The following CARMIL1 variants were observed in gnomAD, a reference collection of about 807,000 sequenced individuals.
The protein encoded by CARMIL1 is F-actin-uncapping protein LRRC16A.
Under a neutral mutation model 177.1 loss-of-function variants are expected in CARMIL1, and 90 were observed. The observed-to-expected ratio is 0.51, with a 90% confidence interval of 0.43 to 0.61. The LOEUF is 0.61. CARMIL1 is among the 20% of genes least tolerant of loss of function. CARMIL1 has a pLI of 0.00. For synonymous variants in CARMIL1, 577 were observed against 606.2 expected (o/e 0.95, Z 0.71); for missense variants, 1,380 against 1,667.0 (o/e 0.83, Z 3.00).
In CARMIL1 at chr6:25,435,539, C is replaced by T. The variant is rs1333145961; in HGVS notation, c.306C>T (p.Asp102=). The T allele has an allele frequency of 2.5e-5, 39 of 1,556,682 alleles. No homozygotes were observed. The highest frequency in any genetic ancestry group is 2.9e-5 in the Non-Finnish European group (33 of 1,149,518). Residue 102 remains aspartate, a synonymous_variant, in exon 5 of 37, where the codon GAC becomes GAT. Coordinates refer to ENST00000329474, the MANE Select transcript of CARMIL1 (RefSeq NM_017640.6). Reference sequence around the variant, plus strand: ...CCATGAAGATGGCGTCACCCGAGGACGTGAGTGAGGTGCTGGCTCACATAG... The same window carrying T: ...CCATGAAGATGGCGTCACCCGAGGATGTGAGTGAGGTGCTGGCTCACATAG... ...SISMKMASPE[D]VSEVLAHIGT... is the part of the protein sequence containing the mutation.
At chr6:25,549,066 G>A (rs931864332) in intron 26 of CARMIL1, among the ~76,000 whole-genome samples, 4 of 152,186 alleles carry the variant, frequency 2.6e-5, no homozygotes, top group African/African-American at 9.7e-5. Flanking sequence ...GCTAAAATTC[G>A]TTTTTATAGG....
chr6:25,447,559 C>G (rs1057215755), intron 5 of CARMIL1, among the ~76,000 whole-genome samples: 1 of 152,062 alleles, frequency 6.6e-6, no homozygotes, highest in Non-Finnish European at 1.5e-5. Context: ...ATTTATTTCA[C>G]CACCTCTCAC....
chr6:25,317,418 G>C (rs113308464), intron 2 of CARMIL1, among the ~76,000 whole-genome samples: 3,200 of 151,936 alleles, frequency 0.021, 77 homozygotes, highest in African/African-American at 0.058. Context: ...GGGATTACAG[G>C]CATGAGCCAC....
intron 2 of CARMIL1, among the ~76,000 whole-genome samples, chr6:25,293,062 T>A (rs559475424): frequency 6.6e-6 from 1 of 152,036 alleles, no homozygotes; most frequent in Non-Finnish European, 1.5e-5. Flanking sequence ...GATAAAAGAT[T>A]TTTGTTCCCT....
chr6:25,389,648 T>C (rs1419366675), intron 2 of CARMIL1, among the ~76,000 whole-genome samples: 1 of 152,174 alleles, frequency 6.6e-6, no homozygotes, highest in Non-Finnish European at 1.5e-5. Flanking sequence ...TGAGTCAGCA[T>C]GTGAAAAGGA....
Position 25,609,478 on chromosome 6 carries a change from A to AG in CARMIL1, c.3848-572_3848-571insG, listed in dbSNP as rs540741663. Among the ~76,000 whole-genome samples, 319 of 151,692 alleles carry AG rather than the reference A, an allele frequency of 2.1e-3. 1 individual carries two copies. The highest frequency in any genetic ancestry group is 0.01 in the Middle Eastern group (3 of 294). On this transcript the variant is annotated intron_variant, in intron 35 of 36. Transcript: ENST00000329474. ...AAGACTCCATCTCAAAAAAAAAAAA[A>AG]AGAGAGACTAGAATTCTAGTCCTAG...
intron 20 of CARMIL1, among the ~76,000 whole-genome samples, chr6:25,514,569 G>C (rs1482757584): frequency 2.5e-5 from 2 of 79,834 alleles, no homozygotes; most frequent in African/African-American, 9.4e-5. Context: ...AAAAAAAAAA[G>C]CCACACAAGT....
intron 2 of CARMIL1, among the ~76,000 whole-genome samples, chr6:25,395,837 G>A (rs758539661): frequency 3.9e-5 from 6 of 152,206 alleles, no homozygotes; most frequent in Non-Finnish European, 8.8e-5. Flanking sequence ...GTGGAAAGGT[G>A]GTTTCCAGCC....
Position 25,449,897 on chromosome 6 carries a change from G to A in CARMIL1, c.372-1G>A. On this transcript the variant is annotated splice_acceptor_variant, in intron 5 of 36. Transcript: ENST00000329474. LOFTEE classifies it high-confidence loss of function. ...ATGTGTTGTTGTTGTTGATCTTACAGGAGAATCATGAAAAAAGTCTCCATG... is the reference window on the plus strand; with the variant it reads ...ATGTGTTGTTGTTGTTGATCTTACAAGAGAATCATGAAAAAAGTCTCCATG... 1 of 1,592,656 alleles carries A rather than the reference G, an allele frequency of 6.3e-7. No individual in the cohort carries two copies. Among genetic ancestry groups the A allele is most frequent in the Non-Finnish European group, 8.6e-7 (1 of 1,164,694 alleles).
intron 2 of CARMIL1, among the ~76,000 whole-genome samples, chr6:25,322,337 A>G (rs1561982470): frequency 6.6e-6 from 1 of 151,682 alleles, no homozygotes; most frequent in African/African-American, 2.4e-5. Context: ...TGGCCAGGCT[A>G]GTCTCAAACT....
chr6:25,456,244 T>C (rs1222868242), intron 8 of CARMIL1, among the ~76,000 whole-genome samples: 1 of 152,230 alleles, frequency 6.6e-6, no homozygotes, highest in East Asian at 1.9e-4. Context: ...CCGTAAGATC[T>C]ATATAGGTGC....
rs1268407015 is a variant in CARMIL1, at chr6:25,488,498, T to C, written c.978T>C (p.Ser326=). Residue 326 remains serine, a synonymous_variant, in exon 13 of 37, where the codon TCT becomes TCC. Transcript: ENST00000329474. ...SLSPKGVNSL[S]QSLSANPLTA... ...ATGTTGCAGGGGTGAACAGCCTTTC[T>C]CAGTCACTCAGTGCCAATCCATTGA... 3 of 1,614,000 alleles carry C rather than the reference T, an allele frequency of 1.9e-6. No homozygotes were observed.
At chr6:25,498,271 C>T (rs1331483255) in intron 16 of CARMIL1, among the ~76,000 whole-genome samples, 1 of 152,182 alleles carries the variant, frequency 6.6e-6, no homozygotes, top group East Asian at 1.9e-4. Context: ...AAATTGTTCT[C>T]TAAGCAATTT....
At chr6:25,490,753 A>AT (rs201233431) in intron 13 of CARMIL1, among the ~76,000 whole-genome samples, 121 of 26,248 alleles carry the variant, frequency 4.6e-3, no homozygotes, top group Middle Eastern at 0.025. Context: ...AAATAAATAA[A>AT]AAAAAATAAA....
chr6:25,361,975 A>T (rs1225358190), intron 2 of CARMIL1, among the ~76,000 whole-genome samples: 1 of 152,196 alleles, frequency 6.6e-6, no homozygotes, highest in East Asian at 1.9e-4. Flanking sequence ...AAATAAAAAG[A>T]AAAAAAGAAA....
chr6:25,435,123 G>C (rs1797116495), intron 4 of CARMIL1, among the ~76,000 whole-genome samples: 1 of 152,114 alleles, frequency 6.6e-6, no homozygotes, highest in South Asian at 2.1e-4. Flanking sequence ...CTATCATATG[G>C]GAGTCTATTT....
intron 1 of CARMIL1, among the ~76,000 whole-genome samples, chr6:25,281,454 A>G (rs188481858): frequency 1.3e-5 from 2 of 152,218 alleles, no homozygotes; most frequent in Admixed American, 1.3e-4. Flanking sequence ...AGTGTAGGTA[A>G]TTACTTAGGC....
chr6:25,304,371 G>C (rs1783099983), intron 2 of CARMIL1, among the ~76,000 whole-genome samples: 1 of 152,212 alleles, frequency 6.6e-6, no homozygotes, highest in African/African-American at 2.4e-5. Flanking sequence ...CTATAGAACA[G>C]CCGTCCCCAA....
intron 5 of CARMIL1, among the ~76,000 whole-genome samples, chr6:25,448,437 T>G (rs1333130626): frequency 5.3e-5 from 8 of 152,166 alleles, no homozygotes; most frequent in African/African-American, 1.9e-4. Context: ...GGTGTGCTGT[T>G]CCTTTATCTG....
Sources: gnomAD v4.1 joint callset for allele counts (sites outside exome capture counted in the v4.1 genomes callset) on GRCh38, gnomAD v4.1.1 for gene constraint, MANE v1.5 for transcripts, NCBI Gene and HGNC (gene_info 2026-07-23, HGNC 2026-07-21) for gene names.